TMEM135: variants seen among roughly 807,000 people sequenced by gnomAD.
TMEM135 encodes the protein transmembrane protein 135, also known as peroxisomal membrane protein 52.
A neutral mutation model predicts 60.3 loss-of-function variants in TMEM135; 30 were observed. The ratio of observed to expected loss-of-function variants is 0.50; its 90% CI spans 0.37 to 0.68. The LOEUF is 0.68. TMEM135 is among the 30% of genes least tolerant of loss of function. TMEM135 has a pLI of 0.00. For synonymous variants in TMEM135, 190 were observed against 186.7 expected (o/e 1.02, Z -0.14); for missense variants, 468 against 548.8 (o/e 0.85, Z 1.47).
chr11:87,290,786 A>G (rs1942249220), intron 6 of TMEM135, among the ~76,000 whole-genome samples: 1 of 152,134 alleles, frequency 6.6e-6, no homozygotes, highest in Admixed American at 6.5e-5. Context: ...GCTCAGTTTT[A>G]TATCATAATT....
At chr11:87,122,923 A>G (rs73535343) in intron 4 of TMEM135, among the ~76,000 whole-genome samples, 3 of 152,228 alleles carry the variant, frequency 2.0e-5, no homozygotes, top group Admixed American at 6.5e-5. Context: ...AACTTTTTCT[A>G]TTTAGAGCTT....
intron 5 of TMEM135, among the ~76,000 whole-genome samples, chr11:87,222,622 A>T (rs1280219940): frequency 6.7e-6 from 1 of 148,890 alleles, no homozygotes; most frequent in Non-Finnish European, 1.5e-5. Context: ...TGACTAACAT[A>T]GTGAAACCCC....
At chr11:87,166,162 A>G (rs1011550161) in intron 5 of TMEM135, among the ~76,000 whole-genome samples, 1 of 151,680 alleles carries the variant, frequency 6.6e-6, no homozygotes, top group Non-Finnish European at 1.5e-5. Context: ...CCACTTTTTG[A>G]TGGGGCTGTT....
At chr11:87,129,975 A>C (rs994100349) in intron 4 of TMEM135, among the ~76,000 whole-genome samples, 1 of 152,196 alleles carries the variant, frequency 6.6e-6, no homozygotes, top group Admixed American at 6.5e-5. Context: ...TCTAGAATAA[A>C]GAATATGGGA....
chr11:87,321,358 A>T lies in TMEM135; in HGVS notation c.*25A>T. The T allele has an allele frequency of 6.2e-7, 1 of 1,612,876 alleles. No individual in the cohort carries two copies. Among genetic ancestry groups the T allele is most frequent in the Non-Finnish European group, 8.5e-7 (1 of 1,179,136 alleles). ...AAGATGACTGTAACTTATTAATGTG[A>T]CTAAATGTTTCATCTTGAAGAGTTA... On this transcript the variant is annotated 3_prime_UTR_variant, in exon 15 of 15. Coordinates refer to ENST00000305494, the MANE Select transcript of TMEM135 (RefSeq NM_022918.4).
At chr11:87,200,923 T>C (rs555160917) in intron 5 of TMEM135, among the ~76,000 whole-genome samples, 47 of 152,358 alleles carry the variant, frequency 3.1e-4, no homozygotes, top group Non-Finnish European at 5.3e-4. Flanking sequence ...TTAAGACATT[T>C]AAATATTTAA....
intron 4 of TMEM135, chr11:87,094,688 G>C (rs1392293182): frequency 5.3e-6 from 1 of 187,550 alleles, no homozygotes; most frequent in African/African-American, 2.4e-5. Context: ...TTGCAGTGAA[G>C]TCTGACTTGA....
rs565386076 is a variant in TMEM135, at chr11:87,186,386, T to C, written c.462+28980T>C. Among the ~76,000 whole-genome samples the C allele has an allele frequency of 9.8e-5, 15 of 152,356 alleles. No homozygotes were observed. The South Asian group carries it at 3.1e-3, about 32-fold the overall frequency. Reference sequence around the variant, plus strand: ...CAGCCATTTCCCCAAGGGACTGTTGTTACTTCACAAAAGGATTTTTAACTT... The same window carrying C: ...CAGCCATTTCCCCAAGGGACTGTTGCTACTTCACAAAAGGATTTTTAACTT... On this transcript the variant is annotated intron_variant, in intron 5 of 14. Coordinates refer to ENST00000305494, the MANE Select transcript of TMEM135 (RefSeq NM_022918.4).
rs951935628 is a variant in TMEM135, at chr11:87,296,022, A to G, written c.551+199A>G. Among the ~76,000 whole-genome samples, 3 of 152,350 alleles carry G rather than the reference A, an allele frequency of 2.0e-5. 1 individual carries two copies. Among genetic ancestry groups the G allele is most frequent in the South Asian group, 4.1e-4 (2 of 4,828 alleles). The stretch of plus-strand genomic sequence containing the variant: ...GATTTTTCTCTCTAAAAATTAATCA[A>G]CGACTTCTTTTGGACCTGTTGTGTG... On this transcript the variant is annotated intron_variant, in intron 7 of 14. Transcript: ENST00000305494.
At chr11:87,099,682 G>GTTTTTTTT (rs57019125) in intron 4 of TMEM135, among the ~76,000 whole-genome samples, 4,980 of 108,582 alleles carry the variant, frequency 0.046, 252 homozygotes, top group Non-Finnish European at 0.055. Flanking sequence ...TTTCATGGTG[G>GTTTTTTTT]TTTTTTTTTT....
intron 5 of TMEM135, among the ~76,000 whole-genome samples, chr11:87,183,294 C>A (rs1345189939): frequency 6.6e-6 from 1 of 151,584 alleles, no homozygotes; most frequent in African/African-American, 2.4e-5. Flanking sequence ...AGGTGTGTGC[C>A]ACCACGCCTG....
intron 3 of TMEM135, among the ~76,000 whole-genome samples, chr11:87,090,160 A>G (rs1857176628): frequency 6.6e-6 from 1 of 152,096 alleles, no homozygotes; most frequent in Admixed American, 6.6e-5. Flanking sequence ...TTCCCCTTTT[A>G]ACCAGAGTAG....
At chr11:87,284,650 AAATATTTATCAGAATAGAAAAT>A (rs1459377669) in intron 6 of TMEM135, among the ~76,000 whole-genome samples, 2 of 152,256 alleles carry the variant, frequency 1.3e-5, no homozygotes, top group Non-Finnish European at 2.9e-5. Flanking sequence ...ATGTACTGTG[AAATATTTATCAGAATAGAAAAT>A]AATATTTTTA....
At chr11:87,164,044 C>G (rs12275218) in intron 5 of TMEM135, among the ~76,000 whole-genome samples, 30,886 of 117,420 alleles carry the variant, frequency 0.26, 4,558 homozygotes, top group East Asian at 0.54. Flanking sequence ...TTAGTTTAAT[C>G]AGATCCCATT....
At chr11:87,171,520 C>G (rs541805592) in intron 5 of TMEM135, among the ~76,000 whole-genome samples, 1 of 151,974 alleles carries the variant, frequency 6.6e-6, no homozygotes, top group Non-Finnish European at 1.5e-5. Flanking sequence ...AACCTCATGA[C>G]AAAATTATCA....
intron 6 of TMEM135, chr11:87,258,981 A>G: frequency 6.5e-7 from 1 of 1,528,052 alleles, no homozygotes; most frequent in Non-Finnish European, 9.1e-7. Flanking sequence ...TCTCAAAGAC[A>G]ACGGGAAGAA....
chr11:87,186,883 A>G (rs1452057449), intron 5 of TMEM135, among the ~76,000 whole-genome samples: 15 of 152,198 alleles, frequency 9.9e-5, no homozygotes. Context: ...TTTGTAAAAC[A>G]AGAGAGGGGA....
At chr11:87,198,502 C>T (rs1940011118) in intron 5 of TMEM135, among the ~76,000 whole-genome samples, 1 of 150,860 alleles carries the variant, frequency 6.6e-6, no homozygotes, top group Non-Finnish European at 1.5e-5. Context: ...GTTTTTCCTT[C>T]CCTCTCCTCC....
chr11:87,269,428 C>A (rs1160338899), intron 6 of TMEM135, among the ~76,000 whole-genome samples: 1 of 151,302 alleles, frequency 6.6e-6, no homozygotes, highest in Non-Finnish European at 1.5e-5. Flanking sequence ...ATGTGCCATG[C>A]TGGTGTGCTG....
Sources: allele counts gnomAD v4.1 joint callset (sites outside exome capture counted in the v4.1 genomes callset), GRCh38; gene constraint gnomAD v4.1.1; transcripts MANE v1.5; gene names NCBI Gene and HGNC (gene_info 2026-07-23, HGNC 2026-07-21).